The following UPF1 variants were observed in gnomAD, a reference collection of about 807,000 sequenced individuals.
UPF1 encodes regulator of nonsense transcripts 1.
UPF1 carries 9 observed loss-of-function variants against 129.2 expected under a neutral mutation model. That is an observed-to-expected ratio of 0.07 (90% CI 0.04 to 0.12). The LOEUF is 0.12. Ranked by LOEUF, UPF1 falls within the 10% of genes least tolerant of loss-of-function variation. The probability of loss-of-function intolerance (pLI) is 1.00; values close to 1 mark genes in which losing one functional copy is unlikely to be tolerated. For synonymous variants in UPF1, 649 were observed against 644.9 expected (o/e 1.01, Z -0.10); for missense variants, 788 against 1,525.3 (o/e 0.52, Z 8.05).
chr19:18,863,461 A>T lies in UPF1; in HGVS notation c.2624A>T (p.Asn875Ile). 6.2e-7 allele frequency: 1 copy of T among 1,613,552 alleles called. No homozygotes were observed. Among genetic ancestry groups the T allele is most frequent in the Non-Finnish European group, 8.5e-7 (1 of 1,179,648 alleles). The change falls in exon 19 of 24, where the codon AAC becomes ATC. Residue 875 changes from asparagine (N) to isoleucine (I), a missense_variant. Around this residue, in one of 6 missense-constraint regions of UPF1, gnomAD observed 140 missense variants for 385.9 expected, o/e 0.36. Transcript: ENST00000262803. ...RARYGVIIVG[N>I]PKALSKQPLW... ...AGGTATGGCGTCATCATTGTGGGCA[A>T]CCCGAAGGCACTATCAAAGCAGCCG... is the stretch of plus-strand genomic sequence containing the variant.
chr19:18,849,840 T>C, intron 3 of UPF1: 1 of 553,180 alleles, frequency 1.8e-6, no homozygotes, highest in Non-Finnish European at 3.2e-6. Context: ...AGGAACTATG[T>C]GAACCGTGTT....
chr19:18,862,663 C>T (rs780680774), intron 18 of UPF1, among the ~76,000 whole-genome samples: 11 of 152,114 alleles, frequency 7.2e-5, no homozygotes, highest in Non-Finnish European at 1.5e-4. Flanking sequence ...GAAACCTCCT[C>T]TCTACTAAAT....
chr19:18,855,424 G>A (rs1210586632), intron 11 of UPF1, 182 bp downstream of exon 11: 3 of 704,294 alleles, frequency 4.3e-6, no homozygotes, highest in African/African-American at 1.8e-5. Flanking sequence ...CCTTAGGATT[G>A]CATTTTAGTA....
At position 18,850,919 on chromosome 19, in the gene UPF1, G is replaced by C; in HGVS notation, c.810+51G>C. ...GTGCCTTCGTGTGGTTTCTGGTTGC[G>C]GGGAGGGGAGTGTCTTCAGAGACGG... On this transcript the variant is annotated intron_variant, in intron 5 of 23. Transcript: ENST00000262803. The surrounding 1 kb of genome is among the most constrained non-coding windows in gnomAD (Gnocchi z 7.1). 1 of 1,474,596 alleles carries C rather than the reference G, an allele frequency of 6.8e-7. No homozygotes were observed. The highest frequency in any genetic ancestry group is 9.0e-7 in the Non-Finnish European group (1 of 1,107,912). 91.3% of individuals were successfully genotyped at this position (1,474,596 alleles called of 1,614,324 possible).
chr19:18,866,290 G>A (rs2145976615), intron 23 of UPF1, 124 bp downstream of exon 23: 1 of 1,380,886 alleles, frequency 7.2e-7, no homozygotes. Flanking sequence ...CCTGGTGGGG[G>A]TCATAGGCCC....
At chr19:18,840,413 C>T (rs547365747) in intron 1 of UPF1, among the ~76,000 whole-genome samples, 1 of 152,286 alleles carries the variant, frequency 6.6e-6, no homozygotes, top group African/African-American at 2.4e-5. Context: ...GCTGGGGAGG[C>T]ACCGTCCTGA....
rs72080135 is a variant in UPF1, at chr19:18,843,717, T to TTGTGTG, written c.232-2233_232-2228dup. Among the ~76,000 whole-genome samples, 1,030 of 144,070 alleles carry TTGTGTG rather than the reference T, an allele frequency of 7.1e-3. 4 individuals are homozygous for TTGTGTG. The highest frequency in any genetic ancestry group is 0.011 in the Non-Finnish European group (741 of 65,670). The allele number at this position is 144,070 out of a possible 152,430, so 94.5% of individuals were successfully genotyped here. On this transcript the variant is annotated intron_variant, in intron 1 of 23. Transcript: ENST00000262803. ...TGGGGTTTTGCCATGTTGGCCAGGCTTGTGTGTGTGTGTGTGTGTGTGTGT... is the reference window on the plus strand; with the variant it reads ...TGGGGTTTTGCCATGTTGGCCAGGCTTGTGTGTGTGTGTGTGTGTGTGTGTGTGTGT...
intron 9 of UPF1, 26 bp from the exon 10 acceptor site, chr19:18,854,853 T>C (rs771390635): frequency 8.1e-6 from 13 of 1,612,900 alleles, no homozygotes; most frequent in Non-Finnish European, 1.0e-5. Flanking sequence ...GCTGTGCGTG[T>C]CGCCAACCCC....
intron 1 of UPF1, among the ~76,000 whole-genome samples, chr19:18,836,759 T>TA (rs1471942358): frequency 1.3e-5 from 2 of 151,230 alleles, no homozygotes; most frequent in East Asian, 3.9e-4. Flanking sequence ...ATTTTTTTTT[T>TA]TTTTTTTTTT....
chr19:18,855,061 G>A (rs759401140), intron 10 of UPF1, 23 bp downstream of exon 10: 11 of 1,612,966 alleles, frequency 6.8e-6, no homozygotes, highest in Non-Finnish European at 9.3e-6. Flanking sequence ...CTCAGCGCGC[G>A]GGGCCTCGCC....
rs2055858503 is a variant in UPF1, at chr19:18,867,100, A to G, written c.*583A>G. The stretch of plus-strand genomic sequence containing the variant: ...TTTTTCAAGATTCTTTTAAAGGAGT[A>G]CTGAAGAATACTTTCCTAAGTTTGT... On this transcript the variant is annotated 3_prime_UTR_variant, in exon 24 of 24. Transcript: ENST00000262803. The G allele has an allele frequency of 6.6e-6, 1 of 152,618 alleles. No homozygotes were observed. Among genetic ancestry groups the G allele is most frequent in the Non-Finnish European group, 1.5e-5 (1 of 68,040 alleles). 9.5% of individuals were successfully genotyped at this position (152,618 alleles called of 1,614,324 possible). A position where few individuals can be genotyped will look rare whatever the true frequency, so the allele number is the denominator to read the frequency against.
In UPF1 at chr19:18,854,725, T is replaced by A. The variant is rs761140826; in HGVS notation, c.1265+16T>A. The stretch of plus-strand genomic sequence containing the variant: ...CCTTTGACAGGTACGTCTTCTCCCA[T>A]CACTGCCCCCTGTTCCCTGGTTGCC... On this transcript the variant is annotated intron_variant, in intron 9 of 23. Coordinates refer to ENST00000262803, the MANE Select transcript of UPF1 (RefSeq NM_002911.4). 6.2e-6 allele frequency: 10 copies of A among 1,612,278 alleles called. No individual in the cohort carries two copies. The South Asian group carries it at 8.8e-5, about 14-fold the overall frequency.
intron 15 of UPF1, among the ~76,000 whole-genome samples, chr19:18,858,400 C>T (rs553845956): frequency 6.6e-6 from 1 of 152,142 alleles, no homozygotes; most frequent in South Asian, 2.1e-4. Flanking sequence ...ATGTTTCCAC[C>T]ATTGCCAGTG....
Position 18,856,858 on chromosome 19 carries a change from C to T in UPF1, c.1825-19C>T. The stretch of plus-strand genomic sequence containing the variant: ...CGTTTACAGTGCAGGTGCCCTGATG[C>T]CTCTGCACCCTTCCCCAGAACGCAG... On this transcript the variant is annotated intron_variant, in intron 13 of 23. Transcript: ENST00000262803. 1 of 1,606,168 alleles carries T rather than the reference C, an allele frequency of 6.2e-7. No homozygotes were observed. The highest frequency in any genetic ancestry group is 8.5e-7 in the Non-Finnish European group (1 of 1,176,724).
chr19:18,857,553 G>A lies in UPF1; in HGVS notation c.2182+20G>A. 6.3e-7 allele frequency: 1 copy of A among 1,584,652 alleles called. No homozygotes were observed. Among genetic ancestry groups the A allele is most frequent in the African/African-American group, 1.4e-5 (1 of 73,674 alleles). On this transcript the variant is annotated intron_variant, in intron 15 of 23. Transcript: ENST00000262803. ...CTGCAGGTAACGGGGCTCTGCCCAG[G>A]GCAGGGGCTTCTACAGAGAAGCGGC... is the stretch of plus-strand genomic sequence containing the variant.
chr19:18,862,454 A>G (rs758315827), intron 18 of UPF1, among the ~76,000 whole-genome samples: 1 of 152,050 alleles, frequency 6.6e-6, no homozygotes, highest in Non-Finnish European at 1.5e-5. Flanking sequence ...CCTGTCCACT[A>G]TTTTTGGTTC....
intron 2 of UPF1, among the ~76,000 whole-genome samples, 168 bp from the exon 3 acceptor site, chr19:18,847,576 G>C (rs1339581003): frequency 1.3e-5 from 2 of 152,216 alleles, no homozygotes; most frequent in Non-Finnish European, 1.5e-5. Context: ...TCTTGGATTT[G>C]AGAAGCCCTG....
chr19:18,837,050 C>G (rs534272288), intron 1 of UPF1, among the ~76,000 whole-genome samples: 1 of 152,004 alleles, frequency 6.6e-6, no homozygotes, highest in Non-Finnish European at 1.5e-5. Context: ...CTGCGCCCAG[C>G]CTGCCATACT....
intron 1 of UPF1, among the ~76,000 whole-genome samples, chr19:18,845,192 CT>C (rs1262126870): frequency 6.6e-6 from 1 of 152,252 alleles, no homozygotes; most frequent in African/African-American, 2.4e-5. Context: ...TTTGTGCCAC[CT>C]TGTGTTCTGC....
Sources: allele counts gnomAD v4.1 joint callset (sites outside exome capture counted in the v4.1 genomes callset), GRCh38; gene constraint gnomAD v4.1.1; regional missense constraint gnomAD v4.1.1; non-coding constraint Gnocchi (gnomAD v3.1); transcripts MANE v1.5; gene names NCBI Gene and HGNC (gene_info 2026-07-23, HGNC 2026-07-21).